Variants in ERBB4 observed in about 807,000 individuals in gnomAD.
ERBB4 encodes erb-b2 receptor tyrosine kinase 4.
Under a neutral mutation model 158.0 loss-of-function variants are expected in ERBB4, and 42 were observed. The ratio of observed to expected loss-of-function variants is 0.27; its 90% confidence interval spans 0.21 to 0.34. ERBB4 has a LOEUF of 0.34. Among genes scored for constraint, ERBB4 ranks in the 10% least tolerant of loss-of-function variants. The pLI is 1.00. For synonymous variants in ERBB4, 583 were observed against 558.7 expected (o/e 1.04, Z -0.61); for missense variants, 1,333 against 1,624.1 (o/e 0.82, Z 3.08).
chr2:211,561,108 T>C (rs981921114), intron 20 of ERBB4, among the ~76,000 whole-genome samples: 4 of 152,194 alleles, frequency 2.6e-5, no homozygotes, highest in Admixed American at 6.5e-5. Flanking sequence ...TAGATAATCA[T>C]AGATATTTGT....
intron 15 of ERBB4, among the ~76,000 whole-genome samples, chr2:211,664,761 G>A (rs1295624853): frequency 3.3e-5 from 5 of 152,056 alleles, no homozygotes; most frequent in Non-Finnish European, 7.4e-5. Flanking sequence ...CAAGGCTAAA[G>A]GATTACCTGT....
chr2:211,636,293 G>C (rs2070359006), intron 16 of ERBB4, among the ~76,000 whole-genome samples: 2 of 151,858 alleles, frequency 1.3e-5, no homozygotes, highest in Admixed American at 6.6e-5. Flanking sequence ...CCTTATTGTG[G>C]CAGAAAGATG....
intron 1 of ERBB4, among the ~76,000 whole-genome samples, chr2:212,261,308 T>C (rs2084935808): frequency 6.6e-6 from 1 of 152,168 alleles, no homozygotes. Flanking sequence ...AAATGAGGAA[T>C]GCTCAGTGGT....
intron 2 of ERBB4, among the ~76,000 whole-genome samples, chr2:211,949,671 C>G (rs952359482): frequency 6.6e-6 from 1 of 152,032 alleles, no homozygotes; most frequent in Non-Finnish European, 1.5e-5. Context: ...ATAGTTCTAC[C>G]TTAAATTGTG....
At position 211,517,096 on chromosome 2, in the gene ERBB4, T is replaced by C. The variant is rs13413127; in HGVS notation, c.2487+44807A>G. 8.7e-3 allele frequency among the ~76,000 whole-genome samples: 1,329 copies of C among 152,242 alleles called. 19 individuals carry two copies. Among genetic ancestry groups the C allele is most frequent in the African/African-American group, 0.03 (1,238 of 41,558 alleles). ...TTCTCCACTTGCCCCATATACACTT[T>C]TGTTGATATTTTCCAAAACTTATTG... On this transcript the variant is annotated intron_variant, in intron 20 of 27. Coordinates refer to ENST00000342788, the MANE Select transcript of ERBB4 (RefSeq NM_005235.3).
rs190045220 is a variant in ERBB4, at chr2:212,205,248, C to A, written c.83-80345G>T. ...CGATCTCTGCTCACTGAAGTCTCTG[C>A]CTCCTGGGTTCAAGTGAGCCTCCCA... On this transcript the variant is annotated intron_variant, in intron 1 of 27. Coordinates refer to ENST00000342788, the MANE Select transcript of ERBB4 (RefSeq NM_005235.3). 1.6e-3 allele frequency among the ~76,000 whole-genome samples: 246 copies of A among 152,186 alleles called. 2 individuals carry two copies. The highest frequency in any genetic ancestry group is 3.4e-3 in the Middle Eastern group (1 of 294).
At chr2:212,523,817 A>G (rs1007356386) in intron 1 of ERBB4, among the ~76,000 whole-genome samples, 4 of 151,964 alleles carry the variant, frequency 2.6e-5, no homozygotes, top group East Asian at 1.9e-4. Flanking sequence ...ATTTCTTATC[A>G]TCATAGAAGA....
intron 2 of ERBB4, among the ~76,000 whole-genome samples, chr2:211,958,618 AAAC>A (rs773523939): frequency 2.6e-5 from 4 of 152,116 alleles, no homozygotes; most frequent in African/African-American, 7.2e-5. Flanking sequence ...GGAAATATTA[AAAC>A]AACAACAAGA....
intron 1 of ERBB4, among the ~76,000 whole-genome samples, chr2:212,134,324 A>C (rs1189546907): frequency 6.6e-6 from 1 of 152,020 alleles, no homozygotes; most frequent in African/African-American, 2.4e-5. Context: ...TATTGCTCTT[A>C]TTCATTTGTA....
chr2:211,572,201 C>A (rs765022991), intron 19 of ERBB4, among the ~76,000 whole-genome samples: 1 of 152,074 alleles, frequency 6.6e-6, no homozygotes, highest in East Asian at 1.9e-4. Flanking sequence ...TACAAACATA[C>A]AAAATATCAG....
chr2:211,670,245 A>T (rs757241918), intron 14 of ERBB4, among the ~76,000 whole-genome samples: 10 of 152,176 alleles, frequency 6.6e-5, no homozygotes, highest in Admixed American at 1.3e-4. Flanking sequence ...AATATGAATC[A>T]TTAAGGGTTG....
At chr2:212,240,113 T>A (rs1384545194) in intron 1 of ERBB4, among the ~76,000 whole-genome samples, 1 of 152,178 alleles carries the variant, frequency 6.6e-6, no homozygotes. Context: ...TGCGTCTTAT[T>A]TGATCTATTT....
intron 1 of ERBB4, among the ~76,000 whole-genome samples, chr2:212,376,971 T>C (rs933194037): frequency 1.3e-5 from 2 of 151,938 alleles, no homozygotes; most frequent in African/African-American, 4.8e-5. Context: ...TGTCTGTACC[T>C]AACTTCTGGG....
chr2:212,497,630 C>T (rs928915357), intron 1 of ERBB4, among the ~76,000 whole-genome samples: 3 of 152,190 alleles, frequency 2.0e-5, no homozygotes, highest in Admixed American at 2.0e-4. Context: ...ACAAGTCCTA[C>T]ATTCCAGTTT....
At chr2:212,041,247 G>A (rs2077134390) in intron 2 of ERBB4, among the ~76,000 whole-genome samples, 1 of 152,094 alleles carries the variant, frequency 6.6e-6, no homozygotes, top group African/African-American at 2.4e-5. Context: ...AATTATAGCT[G>A]CCTACCACTA....
chr2:212,375,654 A>G (rs1187188778), intron 1 of ERBB4, among the ~76,000 whole-genome samples: 1 of 152,096 alleles, frequency 6.6e-6, no homozygotes, highest in African/African-American at 2.4e-5. Flanking sequence ...AATGAATATT[A>G]TGAAAAAGCT....
At chr2:212,185,777 A>G (rs972662562) in intron 1 of ERBB4, among the ~76,000 whole-genome samples, 2 of 152,152 alleles carry the variant, frequency 1.3e-5, no homozygotes, top group South Asian at 4.1e-4. Context: ...TAGTGTAGGT[A>G]TGGGGGACAG....
intron 1 of ERBB4, among the ~76,000 whole-genome samples, chr2:212,475,104 A>G (rs1015825466): frequency 6.6e-6 from 1 of 152,108 alleles, no homozygotes; most frequent in Non-Finnish European, 1.5e-5. Context: ...TAAGCCCTCA[A>G]GTAGAAAGCT....
chr2:212,028,973 C>T (rs1017417168), intron 2 of ERBB4, among the ~76,000 whole-genome samples: 9 of 151,990 alleles, frequency 5.9e-5, no homozygotes, highest in African/African-American at 1.2e-4. Context: ...AAAACAGGAC[C>T]GGGGTGGAAG....
Sources: allele counts gnomAD v4.1 joint callset (sites outside exome capture counted in the v4.1 genomes callset), GRCh38; gene constraint gnomAD v4.1.1; transcripts MANE v1.5; gene names NCBI Gene and HGNC (gene_info 2026-07-23, HGNC 2026-07-21).